CBFA2T3: variants seen among roughly 807,000 people sequenced by gnomAD.
The protein encoded by CBFA2T3 is CBFA2/RUNX1 partner transcriptional co-repressor 3.
A neutral mutation model predicts 58.6 loss-of-function variants in CBFA2T3; 31 were observed. The observed-to-expected ratio is 0.53, with a 90% confidence interval of 0.40 to 0.71. The LOEUF (loss-of-function observed/expected upper bound fraction) is 0.71, where lower values mean the gene tolerates loss of function less well. Among genes scored for constraint, CBFA2T3 ranks in the 30% least tolerant of loss-of-function variants. The pLI, the probability that CBFA2T3 is intolerant of heterozygous loss-of-function variation, is 0.00. For synonymous variants in CBFA2T3, 531 were observed against 421.9 expected (o/e 1.26, Z -3.17); for missense variants, 1,076 against 963.1 (o/e 1.12, Z -1.55).
In CBFA2T3 at chr16:88,897,872, G is replaced by A. The variant is rs192906641; in HGVS notation, c.379+206C>T. 3.9e-3 allele frequency among the ~76,000 whole-genome samples: 595 copies of A among 152,364 alleles called. 1 individual carries two copies. The highest frequency in any genetic ancestry group is 0.014 in the African/African-American group (568 of 41,580). Reference sequence around the variant, plus strand: ...AAGGCCCCGCAGCTTGGAGCGGAGGGTCTGTGGGATGCAGCGACCCGGCGG... The same window carrying A: ...AAGGCCCCGCAGCTTGGAGCGGAGGATCTGTGGGATGCAGCGACCCGGCGG... On this transcript the variant is annotated intron_variant, in intron 3 of 11. Coordinates refer to ENST00000268679, the MANE Select transcript of CBFA2T3 (RefSeq NM_005187.6).
intron 1 of CBFA2T3, among the ~76,000 whole-genome samples, chr16:88,963,178 G>A (rs1400607783): frequency 6.6e-6 from 1 of 152,054 alleles, no homozygotes; most frequent in African/African-American, 2.4e-5. Flanking sequence ...AGAGAAGGTG[G>A]GGGCTTGGAC....
rs1212383657 is a variant in CBFA2T3 at position 88,877,354 on chromosome 16, A to G, written c.1663-79T>C. 7.6e-6 allele frequency: 9 copies of G among 1,182,706 alleles called. No individual in the cohort carries two copies. In the African/African-American group the frequency reaches 1.3e-4, roughly 17 times the overall value. The allele number at this position is 1,182,706 out of a possible 1,614,324, so 73.3% of individuals were successfully genotyped here. On this transcript the variant is annotated intron_variant, in intron 11 of 11. Transcript: ENST00000268679. ...AACACACGCCTCAACCAAGCCATTC[A>G]GACCCAGCCACGTCATCACCAGGTG...
intron 1 of CBFA2T3, among the ~76,000 whole-genome samples, chr16:88,907,436 G>A (rs1325311675): frequency 5.9e-5 from 9 of 152,238 alleles, no homozygotes; most frequent in Non-Finnish European, 5.9e-5. Context: ...CAGGTGGGCA[G>A]CGGGTGCGGA....
intron 3 of CBFA2T3, among the ~76,000 whole-genome samples, chr16:88,894,220 A>G (rs1480271490): frequency 1.6e-5 from 2 of 123,328 alleles, no homozygotes; most frequent in African/African-American, 6.4e-5. Flanking sequence ...ACATGCACGC[A>G]CACATGCACA....
At chr16:88,906,907 C>T (rs1288013260) in intron 1 of CBFA2T3, among the ~76,000 whole-genome samples, 1 of 152,246 alleles carries the variant, frequency 6.6e-6, no homozygotes, top group Non-Finnish European at 1.5e-5. Context: ...CACGCTGGGA[C>T]ACGCGGCCCT....
At chr16:88,882,411 CTGTG>C (rs779687884) in intron 8 of CBFA2T3, among the ~76,000 whole-genome samples, 57 of 145,824 alleles carry the variant, frequency 3.9e-4, no homozygotes, top group East Asian at 2.8e-3. Flanking sequence ...GTGGGTGTGG[CTGTG>C]TGTGTATGGC....
intron 1 of CBFA2T3, among the ~76,000 whole-genome samples, chr16:88,943,865 T>C (rs1971828316): frequency 6.6e-6 from 1 of 152,132 alleles, no homozygotes; most frequent in African/African-American, 2.4e-5. Context: ...ATGTCTGCAG[T>C]CTGTCCGACA....
chr16:88,938,870 T>A (rs1334503768), intron 1 of CBFA2T3: 1 of 152,130 alleles, frequency 6.6e-6, no homozygotes, highest in Non-Finnish European at 1.5e-5. Context: ...CTGCTAACGG[T>A]GCAGCAGGGA....
intron 1 of CBFA2T3, among the ~76,000 whole-genome samples, chr16:88,975,341 ACCCCCGTCCTTCCACAGTAGACG>A (rs773994779): frequency 3.3e-5 from 5 of 149,364 alleles, no homozygotes; most frequent in East Asian, 2.0e-4. Flanking sequence ...CACGGTAGAC[ACCCCCGTCCTTCCACAGTAGACG>A]CCCCCATCCT....
At chr16:88,923,312 C>T (rs868351949) in intron 1 of CBFA2T3, among the ~76,000 whole-genome samples, 48 of 152,300 alleles carry the variant, frequency 3.2e-4, no homozygotes, top group African/African-American at 9.9e-4. Flanking sequence ...GAGGATTCGG[C>T]GCTTCTGCCC....
At chr16:88,894,077 G>T (rs1315770047) in intron 3 of CBFA2T3, among the ~76,000 whole-genome samples, 1 of 152,120 alleles carries the variant, frequency 6.6e-6, no homozygotes, top group Non-Finnish European at 1.5e-5. Context: ...TCCCTACAAA[G>T]GGTACCAACT....
intron 1 of CBFA2T3, among the ~76,000 whole-genome samples, chr16:88,908,265 C>T (rs968549694): frequency 6.6e-5 from 10 of 151,954 alleles, no homozygotes; most frequent in African/African-American, 2.4e-4. Context: ...TTACTTCAGC[C>T]TGGAAGGCAG....
intron 1 of CBFA2T3, among the ~76,000 whole-genome samples, chr16:88,922,734 C>T (rs1276756450): frequency 6.6e-6 from 1 of 152,244 alleles, no homozygotes; most frequent in African/African-American, 2.4e-5. Context: ...TGGACGGCCC[C>T]TTCCTGGAAT....
intron 3 of CBFA2T3, among the ~76,000 whole-genome samples, chr16:88,896,106 G>T (rs1396618157): frequency 1.3e-5 from 2 of 152,214 alleles, no homozygotes; most frequent in East Asian, 1.9e-4. Flanking sequence ...GTCGGGTGTT[G>T]TGTGAGGCTG....
chr16:88,892,006 G>C, intron 4 of CBFA2T3, 35 bp from the exon 5 acceptor site: 1 of 1,556,254 alleles, frequency 6.4e-7, no homozygotes, highest in Non-Finnish European at 8.8e-7. Flanking sequence ...CATCAGCACC[G>C]CTCGGCATGT....
chr16:88,928,886 C>G (rs1225980643), intron 1 of CBFA2T3, among the ~76,000 whole-genome samples: 2 of 152,140 alleles, frequency 1.3e-5, no homozygotes, highest in Non-Finnish European at 2.9e-5. Context: ...GGGGAGCATT[C>G]CAGGCACTGG....
chr16:88,954,178 A>T (rs1972147576), intron 1 of CBFA2T3, among the ~76,000 whole-genome samples: 1 of 152,062 alleles, frequency 6.6e-6, no homozygotes, highest in Non-Finnish European at 1.5e-5. Flanking sequence ...AGCCACCACG[A>T]TGGTACCCCA....
chr16:88,912,362 G>C (rs777058507), intron 1 of CBFA2T3, among the ~76,000 whole-genome samples: 10 of 152,212 alleles, frequency 6.6e-5, no homozygotes, highest in Admixed American at 6.5e-4. Flanking sequence ...CAGATGGGCT[G>C]GGGGTCTCTC....
intron 10 of CBFA2T3, 63 bp downstream of exon 10, chr16:88,880,657 A>G: frequency 7.4e-7 from 1 of 1,348,030 alleles, no homozygotes; most frequent in African/African-American, 1.5e-5. Context: ...AGCCGGTGAG[A>G]GGCGCATCTG....
Sources: allele counts gnomAD v4.1 joint callset (sites outside exome capture counted in the v4.1 genomes callset), GRCh38; gene constraint gnomAD v4.1.1; transcripts MANE v1.5; gene names NCBI Gene and HGNC (gene_info 2026-07-23, HGNC 2026-07-21).